The following METAP2 variants were observed in gnomAD, a reference collection of about 807,000 sequenced individuals.
METAP2 encodes the protein methionine aminopeptidase 2.
A neutral mutation model predicts 59.4 loss-of-function variants in METAP2; 25 were observed. The ratio of observed to expected loss-of-function variants is 0.42; its 90% CI spans 0.31 to 0.59. The LOEUF is 0.59. Among genes scored for constraint, METAP2 ranks in the 20% least tolerant of loss-of-function variants. The pLI, the probability that METAP2 is intolerant of heterozygous loss-of-function variation, is 0.16. For synonymous variants in METAP2, 214 were observed against 194.1 expected (o/e 1.10, Z -0.85); for missense variants, 366 against 581.2 (o/e 0.63, Z 3.81).
chr12:95,485,767 G>C, intron 3 of METAP2, 112 bp from the exon 4 acceptor site: 1 of 660,186 alleles, frequency 1.5e-6, no homozygotes, highest in South Asian at 2.4e-5. Context: ...TGGCAGCAAG[G>C]AGTTTCCTTA....
chr12:95,507,833 A>G (rs900287788), intron 8 of METAP2, among the ~76,000 whole-genome samples: 6 of 151,286 alleles, frequency 4.0e-5, no homozygotes, highest in South Asian at 4.2e-4. Flanking sequence ...CTGGAGTACA[A>G]TGGTGCGCGA....
chr12:95,496,821 CT>C (rs777002045), intron 7 of METAP2, among the ~76,000 whole-genome samples: 7,733 of 100,890 alleles, frequency 0.077, 119 homozygotes, highest in African/African-American at 0.13. Context: ...CTTTTTCTTT[CT>C]TTTTTTTTTT....
At chr12:95,475,001 A>G (rs961858327) in intron 1 of METAP2, among the ~76,000 whole-genome samples, 1 of 152,136 alleles carries the variant, frequency 6.6e-6, no homozygotes, top group African/African-American at 2.4e-5. Flanking sequence ...GGCAGTGCAG[A>G]TAGGATATTC....
intron 10 of METAP2, among the ~76,000 whole-genome samples, 174 bp downstream of exon 10, chr12:95,513,090 TACACACAC>T (rs60788079): frequency 0.029 from 3,977 of 136,156 alleles, 128 homozygotes; most frequent in East Asian, 0.16. Flanking sequence ...AGATAAAAAT[TACACACAC>T]ACACACACAC....
chr12:95,484,711 CTT>C (rs931038870), intron 3 of METAP2: 2 of 340,574 alleles, frequency 5.9e-6, no homozygotes, highest in Admixed American at 4.5e-5. Context: ...ATGAGGTACT[CTT>C]TTTTTTTTCT....
chr12:95,485,943 C>T lies in METAP2; in HGVS notation c.390C>T (p.Pro130=), dbSNP rs754599001. 15 of 1,591,244 alleles carry T rather than the reference C, an allele frequency of 9.4e-6. No homozygotes were observed. Among genetic ancestry groups the T allele is most frequent in the Non-Finnish European group, 1.1e-5 (13 of 1,171,622 alleles). Residue 130 remains proline (P), a synonymous_variant, in exon 4 of 11, where the codon CCC becomes CCT. Coordinates refer to ENST00000323666, the MANE Select transcript of METAP2 (RefSeq NM_006838.4). ...ACCTGTATCCTAATGGTGTATTTCCCAAAGGACAAGAATGCGAATACCCAC... is the reference window on the plus strand; with the variant it reads ...ACCTGTATCCTAATGGTGTATTTCCTAAAGGACAAGAATGCGAATACCCAC... ...ICDLYPNGVF[P]KGQECEYPPT...
At chr12:95,480,540 T>TA (rs1321409402) in intron 2 of METAP2, among the ~76,000 whole-genome samples, 1 of 152,228 alleles carries the variant, frequency 6.6e-6, no homozygotes, top group East Asian at 1.9e-4. Context: ...GTATTTGTTT[T>TA]AAAATTTTAG....
intron 7 of METAP2, among the ~76,000 whole-genome samples, chr12:95,499,215 C>T (rs1264692994): frequency 5.3e-5 from 8 of 152,204 alleles, no homozygotes; most frequent in African/African-American, 1.7e-4. Context: ...GATCTTGGCT[C>T]GCTGCAACCT....
At chr12:95,497,854 G>A (rs2140154557) in intron 7 of METAP2, among the ~76,000 whole-genome samples, 1 of 152,010 alleles carries the variant, frequency 6.6e-6, no homozygotes, top group Middle Eastern at 3.4e-3. Context: ...TAGGCCAGAT[G>A]TGGTGGCTCA....
At chr12:95,485,094 C>T (rs2076186225) in intron 3 of METAP2, among the ~76,000 whole-genome samples, 4 of 152,070 alleles carry the variant, frequency 2.6e-5, no homozygotes, top group Admixed American at 2.6e-4. Flanking sequence ...ACAGATAATT[C>T]ATAGTTTTAT....
chr12:95,474,343 TTA>T lies in METAP2; in HGVS notation c.151+15_151+16del. The T allele has an allele frequency of 6.2e-7, 1 of 1,612,960 alleles. No homozygotes were observed. Among genetic ancestry groups the T allele is most frequent in the Non-Finnish European group, 8.5e-7 (1 of 1,179,476 alleles). On this transcript the variant is annotated intron_variant, in intron 1 of 10. Coordinates refer to ENST00000323666, the MANE Select transcript of METAP2 (RefSeq NM_006838.4). ...GGGCCTTCTGCAGGTAAAGAGAGTT[TTA>T]TGTTTTCCCAGTCCCCTCCGGGAAC... is the stretch of plus-strand genomic sequence containing the variant.
At chr12:95,501,519 G>A (rs948177738) in intron 7 of METAP2, among the ~76,000 whole-genome samples, 49 of 152,176 alleles carry the variant, frequency 3.2e-4, no homozygotes, top group African/African-American at 1.2e-3. Flanking sequence ...GATTGAGACT[G>A]TTCTGGCCAA....
chr12:95,478,824 G>A (rs2140137908), intron 2 of METAP2, among the ~76,000 whole-genome samples: 1 of 152,278 alleles, frequency 6.6e-6, no homozygotes, highest in East Asian at 1.9e-4. Flanking sequence ...ATTTTGGGTT[G>A]GGGTAATGCT....
intron 2 of METAP2, among the ~76,000 whole-genome samples, chr12:95,480,874 T>C (rs889868550): frequency 3.3e-5 from 5 of 152,238 alleles, no homozygotes; most frequent in South Asian, 2.1e-4. Flanking sequence ...TTTTTAAATT[T>C]ATGGGTAGTG....
chr12:95,488,366 G>A (rs1319029884), intron 4 of METAP2, among the ~76,000 whole-genome samples: 6 of 151,364 alleles, frequency 4.0e-5, no homozygotes, highest in African/African-American at 1.2e-4. Context: ...AAAATTAGCC[G>A]GGTGCAGTGG....
At chr12:95,481,780 A>G (rs1255289078) in intron 2 of METAP2, among the ~76,000 whole-genome samples, 1 of 152,250 alleles carries the variant, frequency 6.6e-6, no homozygotes, top group Non-Finnish European at 1.5e-5. Flanking sequence ...AAAATTGGTG[A>G]TGTATCTTCA....
intron 7 of METAP2, among the ~76,000 whole-genome samples, chr12:95,503,428 C>A (rs997402004): frequency 1.3e-5 from 2 of 152,090 alleles, no homozygotes; most frequent in South Asian, 4.1e-4. Flanking sequence ...GACGGGAGGC[C>A]ATGCTGAGTG....
intron 6 of METAP2, 27 bp downstream of exon 6, chr12:95,495,165 C>G: frequency 6.4e-7 from 1 of 1,559,322 alleles, no homozygotes; most frequent in Non-Finnish European, 8.8e-7. Context: ...AATTCCTACC[C>G]CAGCCTCCTC....
chr12:95,511,652 A>G (rs1046308757), intron 8 of METAP2, among the ~76,000 whole-genome samples: 1 of 152,156 alleles, frequency 6.6e-6, no homozygotes, highest in Non-Finnish European at 1.5e-5. Context: ...TCGGCCTCCC[A>G]GAGTGCTGGG....
Sources: gnomAD v4.1 joint callset for allele counts (sites outside exome capture counted in the v4.1 genomes callset) on GRCh38, gnomAD v4.1.1 for gene constraint, MANE v1.5 for transcripts, NCBI Gene and HGNC (gene_info 2026-07-23, HGNC 2026-07-21) for gene names.